Variants in LIMCH1 observed in about 807,000 individuals in gnomAD.
The protein encoded by LIMCH1 is LIM and calponin homology domains 1, also known as LIM and calponin homology domains-containing protein 1.
In LIMCH1, 113 loss-of-function variants were observed where a neutral mutation model predicts 176.5. The ratio of observed to expected loss-of-function variants is 0.64; its 90% CI spans 0.55 to 0.75. The LOEUF is 0.75. Among genes scored for constraint, LIMCH1 ranks in the 30% least tolerant of loss-of-function variants. The pLI is 0.00. For missense variants in LIMCH1, 1,674 were observed against 1,814.9 expected (o/e 0.92, Z 1.41); for synonymous variants, 619 against 645.9 (o/e 0.96, Z 0.63).
At chr4:41,594,653 T>C (rs1219441458) in intron 1 of LIMCH1, among the ~76,000 whole-genome samples, 1 of 152,162 alleles carries the variant, frequency 6.6e-6, no homozygotes, top group Admixed American at 6.5e-5. Context: ...CATCATTAGG[T>C]TGTAGCAAGA....
At chr4:41,494,512 C>T in intron 1 of LIMCH1, 2 of 1,588,302 alleles carry the variant, frequency 1.3e-6, no homozygotes, top group Admixed American at 1.7e-5. Flanking sequence ...AACTTATGTG[C>T]TCTTTTTCTT....
upstream of LIMCH1, among the ~76,000 whole-genome samples, chr4:41,534,316 C>G (rs915351046): frequency 1.3e-5 from 2 of 152,094 alleles, no homozygotes; most frequent in East Asian, 3.8e-4. Context: ...AATGATGACA[C>G]AATGCTAAGA....
intron 2 of LIMCH1, 163 bp downstream of exon 2, chr4:41,599,189 C>T (rs2089476068): frequency 1.8e-6 from 1 of 563,502 alleles, no homozygotes; most frequent in Admixed American, 3.0e-5. Flanking sequence ...ATTGACTTTC[C>T]CTCTGTGCAT....
At chr4:41,640,564 T>C (rs6831658) in intron 14 of LIMCH1, among the ~76,000 whole-genome samples, 64,097 of 152,054 alleles carry the variant, frequency 0.42, 13,745 homozygotes, top group South Asian at 0.46. Context: ...AGGAGCTTTT[T>C]TTCCAGAGCT....
Position 41,360,831 on chromosome 4 carries a change from G to A in LIMCH1, c.-10G>A. 6.5e-7 allele frequency: 1 copy of A among 1,545,296 alleles called. No individual in the cohort carries two copies. Among genetic ancestry groups the A allele is most frequent in the Non-Finnish European group, 8.7e-7 (1 of 1,146,944 alleles). On this transcript the variant is annotated 5_prime_UTR_variant, in exon 1 of 27. Transcript: ENST00000313860. This position sits in a 1 kb window ranked among gnomAD's most constrained non-coding sequence, Gnocchi z 4.5. ...CATCCCGGCGCTTGAGAGGACGCGGGGCTGCGCAAATGGCTTGTCCCGCTC... is the reference window on the plus strand; with the variant it reads ...CATCCCGGCGCTTGAGAGGACGCGGAGCTGCGCAAATGGCTTGTCCCGCTC...
At chr4:41,604,651 G>T (rs1440901653) in intron 3 of LIMCH1, among the ~76,000 whole-genome samples, 5 of 152,040 alleles carry the variant, frequency 3.3e-5, no homozygotes, top group African/African-American at 1.2e-4. Context: ...AAACACAACA[G>T]TCTATTTTCC....
chr4:41,685,282 A>G (rs367981891), intron 27 of LIMCH1, among the ~76,000 whole-genome samples: 1 of 152,112 alleles, frequency 6.6e-6, no homozygotes, highest in East Asian at 1.9e-4. Flanking sequence ...GTGTTCCCAA[A>G]TGGAGATATC....
intron 1 of LIMCH1, among the ~76,000 whole-genome samples, chr4:41,471,005 T>C (rs2066876256): frequency 6.7e-6 from 1 of 149,918 alleles, no homozygotes; most frequent in African/African-American, 2.5e-5. Context: ...TGTCTGAGGA[T>C]GCCAGTCTTT....
chr4:41,534,305 C>T (rs1309156745), upstream of LIMCH1, among the ~76,000 whole-genome samples: 2 of 152,200 alleles, frequency 1.3e-5, no homozygotes, highest in South Asian at 2.1e-4. Context: ...GCTGCCAATT[C>T]AATGATGACA....
At chr4:41,379,810 T>C (rs909628875) in intron 1 of LIMCH1, among the ~76,000 whole-genome samples, 4 of 152,268 alleles carry the variant, frequency 2.6e-5, no homozygotes, top group Non-Finnish European at 5.9e-5. Flanking sequence ...TTTATTTTTA[T>C]TTTTTTGAGA....
chr4:41,367,684 C>CAAAAAAAAAAAAAAAA lies in LIMCH1; in HGVS notation c.96+6755_96+6770dup, dbSNP rs35832745. 3.1e-5 allele frequency among the ~76,000 whole-genome samples: 3 copies of CAAAAAAAAAAAAAAAA among 96,516 alleles called. 1 individual carries two copies. The highest frequency in any genetic ancestry group is 1.9e-5 in the Non-Finnish European group (1 of 51,448). The allele number at this position is 96,516 out of a possible 152,430, so 63.3% of individuals were successfully genotyped here. ...TGAAACCCTGTCTCTACTAAAAATC[C>CAAAAAAAAAAAAAAAA]AAAAAAAAAAAAAAAAAAAAAAGGA... On this transcript the variant is annotated intron_variant, in intron 1 of 26. Transcript: ENST00000313860.
intron 1 of LIMCH1, among the ~76,000 whole-genome samples, chr4:41,566,495 G>A (rs149363912): frequency 2.4e-3 from 365 of 151,054 alleles, no homozygotes; most frequent in African/African-American, 8.2e-3. Context: ...GGGGAGACAT[G>A]ATGAAATATC....
At chr4:41,495,809 A>G (rs1048834242) in intron 2 of LIMCH1, among the ~76,000 whole-genome samples, 7 of 152,164 alleles carry the variant, frequency 4.6e-5, no homozygotes, top group Admixed American at 2.0e-4. Flanking sequence ...GAACCTCTCA[A>G]CACAGCTCCT....
chr4:41,374,219 G>A (rs1218591603), intron 1 of LIMCH1, among the ~76,000 whole-genome samples: 1 of 152,182 alleles, frequency 6.6e-6, no homozygotes, highest in Non-Finnish European at 1.5e-5. Context: ...CAGGAGGGTA[G>A]AGGTAGGGGA....
chr4:41,600,995 A>G (rs938811112), intron 2 of LIMCH1, among the ~76,000 whole-genome samples: 2 of 150,718 alleles, frequency 1.3e-5, no homozygotes, highest in African/African-American at 4.9e-5. Flanking sequence ...CTTTCCATCT[A>G]TCTCTCCTTT....
chr4:41,668,757 A>G (rs1156634194), intron 21 of LIMCH1, among the ~76,000 whole-genome samples: 1 of 152,214 alleles, frequency 6.6e-6, no homozygotes, highest in African/African-American at 2.4e-5. Context: ...TTATAAAGGA[A>G]AGAGGCTTCA....
intron 2 of LIMCH1, among the ~76,000 whole-genome samples, chr4:41,503,889 C>T (rs1198811748): frequency 6.6e-6 from 1 of 152,154 alleles, no homozygotes; most frequent in Non-Finnish European, 1.5e-5. Context: ...TGGGCTGATG[C>T]TTCCAGGAGC....
intron 3 of LIMCH1, among the ~76,000 whole-genome samples, chr4:41,528,954 T>C (rs1228475145): frequency 6.6e-6 from 1 of 152,214 alleles, no homozygotes; most frequent in African/African-American, 2.4e-5. Flanking sequence ...GCAAAGACCC[T>C]GAATCCGGGT....
At chr4:41,404,001 G>A (rs967932930) in intron 1 of LIMCH1, among the ~76,000 whole-genome samples, 1 of 152,212 alleles carries the variant, frequency 6.6e-6, no homozygotes, top group Non-Finnish European at 1.5e-5. Flanking sequence ...TTTGATGTGA[G>A]GTAGAGGTAC....
Sources: allele counts gnomAD v4.1 joint callset (sites outside exome capture counted in the v4.1 genomes callset), GRCh38; gene constraint gnomAD v4.1.1; non-coding constraint Gnocchi (gnomAD v3.1); transcripts MANE v1.5; gene names NCBI Gene and HGNC (gene_info 2026-07-23, HGNC 2026-07-21).